Variants in NHERF4 observed in about 807,000 individuals in gnomAD.
NHERF4 encodes Na(+)/H(+) exchange regulatory cofactor NHE-RF4.
At chr11:119,189,006 T>C in the NHERF4 span, 3 of 1,613,950 alleles carry the variant, frequency 1.9e-6, no homozygotes, top group African/African-American at 4.0e-5. This position sits in a 1 kb window ranked among gnomAD's most constrained non-coding sequence, Gnocchi z 5.8. Flanking sequence ...CAACACCAGG[T>C]GACTCCAGGA....
At chr11:119,188,546 A>G in the NHERF4 span, 1 of 1,599,280 alleles carries the variant, frequency 6.3e-7, no homozygotes, top group Non-Finnish European at 8.5e-7. Flanking sequence ...CCGCTTCTTC[A>G]GCATGGTGCG....
the NHERF4 span, chr11:119,188,703 A>G: frequency 6.2e-7 from 1 of 1,614,202 alleles, no homozygotes; most frequent in Non-Finnish European, 8.5e-7. Context: ...CCGGGGCAGC[A>G]GCTCAGCCTC....
At chr11:119,188,452 G>A in the NHERF4 span, 1 of 1,613,310 alleles carries the variant, frequency 6.2e-7, no homozygotes, top group South Asian at 1.1e-5. Context: ...AGAGCGTGGA[G>A]GGGCTGGGCC....
At chr11:119,188,770 T>C in the NHERF4 span, 2 of 1,614,092 alleles carry the variant, frequency 1.2e-6, no homozygotes, top group South Asian at 1.1e-5. Context: ...TCTGTCCCTC[T>C]TGGCTCCCGA....
the NHERF4 span, chr11:119,190,200 A>G: frequency 2.4e-3 from 2,867 of 1,181,462 alleles, 19 homozygotes; most frequent in Non-Finnish European, 3.0e-3. The surrounding 1 kb of genome is among the most constrained non-coding windows in gnomAD (Gnocchi z 4.2). Flanking sequence ...ATAAAAATAA[A>G]AATAAAAATA....
chr11:119,190,041 C>G, the NHERF4 span: 2 of 460,698 alleles, frequency 4.3e-6, no homozygotes, highest in Non-Finnish European at 7.6e-6. This position sits in a 1 kb window ranked among gnomAD's most constrained non-coding sequence, Gnocchi z 4.2. Context: ...GATGCGGCTC[C>G]TGCAGGAGAG....
chr11:119,186,611 C>G, the NHERF4 span: 1 of 1,613,896 alleles, frequency 6.2e-7, no homozygotes. The surrounding 1 kb of genome is among the most constrained non-coding windows in gnomAD (Gnocchi z 4.4). Flanking sequence ...GGCACCTCTG[C>G]CCAGCGCCAG....
the NHERF4 span, chr11:119,187,326 G>A: frequency 6.2e-7 from 1 of 1,612,722 alleles, no homozygotes; most frequent in Admixed American, 1.7e-5. Context: ...TATTGGCACG[G>A]CATGCACATG....
the NHERF4 span, chr11:119,188,610 G>A: frequency 2.3e-5 from 37 of 1,612,336 alleles, 1 homozygote; most frequent in East Asian, 5.4e-4. Context: ...GCTGAGGTCC[G>A]AAAGATTTGC....
the NHERF4 span, chr11:119,188,200 A>G: frequency 3.9e-6 from 6 of 1,519,204 alleles, no homozygotes; most frequent in Non-Finnish European, 5.3e-6. Flanking sequence ...TGGGCACACA[A>G]GCGTATATAC....
At chr11:119,188,308 T>A in the NHERF4 span, 8 of 1,608,500 alleles carry the variant, frequency 5.0e-6, no homozygotes, top group East Asian at 1.8e-4. Context: ...GTGTACACAG[T>A]GGCCTAGGAT....
At chr11:119,186,439 CCT>C in the NHERF4 span, 2 of 1,608,682 alleles carry the variant, frequency 1.2e-6, no homozygotes, top group Admixed American at 1.7e-5. This position sits in a 1 kb window ranked among gnomAD's most constrained non-coding sequence, Gnocchi z 4.4. Flanking sequence ...TGGGCTGTGC[CCT>C]CTCCTCCCCC....
the NHERF4 span, chr11:119,187,830 A>G: frequency 6.8e-7 from 1 of 1,461,068 alleles, no homozygotes; most frequent in Non-Finnish European, 9.0e-7. Context: ...CTCCCCCTCT[A>G]CAGTTTGTGC....
At chr11:119,187,283 TC>T in the NHERF4 span, 1 of 1,604,072 alleles carries the variant, frequency 6.2e-7, no homozygotes, top group Non-Finnish European at 8.5e-7. Context: ...GTACGCCGCA[TC>T]CGGGCCAGCA....
At chr11:119,186,518 G>C in the NHERF4 span, 5 of 1,614,072 alleles carry the variant, frequency 3.1e-6, no homozygotes, top group African/African-American at 6.7e-5. The surrounding 1 kb of genome is among the most constrained non-coding windows in gnomAD (Gnocchi z 4.4). Context: ...TGTTTACTGA[G>C]CAAAGAGGAG....
At chr11:119,188,169 G>A in the NHERF4 span, 1 of 1,519,282 alleles carries the variant, frequency 6.6e-7, no homozygotes, top group East Asian at 2.5e-5. Context: ...TGGGGGCGGT[G>A]GGGGAAGGTG....
chr11:119,186,001 C>T, the NHERF4 span: 8 of 1,613,244 alleles, frequency 5.0e-6, no homozygotes, highest in South Asian at 2.2e-5. This position sits in a 1 kb window ranked among gnomAD's most constrained non-coding sequence, Gnocchi z 4.4. Context: ...TTGGAGGCAG[C>T]GAAGCGCTTC....
At chr11:119,185,695 T>TCA in the NHERF4 span, 1 of 765,928 alleles carries the variant, frequency 1.3e-6, no homozygotes. Context: ...CCTGTACTGA[T>TCA]ATGCTCAGAT....
At chr11:119,186,451 C>G in the NHERF4 span, 2 of 1,613,136 alleles carry the variant, frequency 1.2e-6, no homozygotes, top group South Asian at 1.1e-5. The surrounding 1 kb of genome is among the most constrained non-coding windows in gnomAD (Gnocchi z 4.4). Context: ...TCTCCTCCCC[C>G]TTTTCTGCTG....
Sources: gnomAD v4.1 joint callset for allele counts on GRCh38, gnomAD v4.1.1 for gene constraint, Gnocchi (gnomAD v3.1) non-coding constraint, MANE v1.5 for transcripts, NCBI Gene and HGNC (gene_info 2026-07-23, HGNC 2026-07-21) for gene names.